Variants in ANKS6 observed in about 807,000 individuals in gnomAD.
The protein encoded by ANKS6 is ankyrin repeat and sterile alpha motif domain containing 6.
Under a neutral mutation model 77.9 loss-of-function variants are expected in ANKS6, and 47 were observed. The ratio of observed to expected loss-of-function variants is 0.60; its 90% CI spans 0.48 to 0.77. ANKS6 has a LOEUF of 0.77. Ranked by LOEUF, ANKS6 falls within the 30% of genes least tolerant of loss-of-function variation. The pLI, the probability that ANKS6 is intolerant of heterozygous loss-of-function variation, is 0.00. For missense variants in ANKS6, 1,150 were observed against 1,159.1 expected (o/e 0.99, Z 0.11); for synonymous variants, 488 against 501.7 (o/e 0.97, Z 0.37).
chr9:98,739,752 T>G (rs1286287602), intron 14 of ANKS6, among the ~76,000 whole-genome samples: 1 of 92,804 alleles, frequency 1.1e-5, no homozygotes, highest in African/African-American at 5.2e-5. Context: ...CAGCAGTGGA[T>G]TAAACATTTT....
In ANKS6 at chr9:98,770,881, TGCCCA is replaced by T. The variant is rs751234392; in HGVS notation, c.1972+10_1972+14del. ...ATCACCCCACCTCCCTGAGTGGCCCTGCCCAGCTACTCACCTGAGCGGTTAAGCAG... is the reference window on the plus strand; with the variant it reads ...ATCACCCCACCTCCCTGAGTGGCCCTGCTACTCACCTGAGCGGTTAAGCAG... On this transcript the variant is annotated intron_variant, in intron 10 of 14. Transcript: ENST00000353234. The T allele has an allele frequency of 1.4e-6, 2 of 1,439,348 alleles. No individual in the cohort carries two copies. The highest frequency in any genetic ancestry group is 1.8e-6 in the Non-Finnish European group (2 of 1,087,096). The allele number at this position is 1,439,348 out of a possible 1,614,324, so 89.2% of individuals were successfully genotyped here.
At position 98,770,809 on chromosome 9, in the gene ANKS6, G is replaced by A. The variant is rs1833578527; in HGVS notation, c.1972+87C>T. On this transcript the variant is annotated intron_variant, in intron 10 of 14. Transcript: ENST00000353234. ...CTCTTGCGTGGTCATTTCTGCGACT[G>A]TCTGCAACCTGAATATCCAGGCAGT... The A allele has an allele frequency of 2.4e-6, 3 of 1,255,878 alleles. No homozygotes were observed. In the Admixed American group the frequency reaches 1.2e-4, roughly 49 times the overall value. The allele number at this position is 1,255,878 out of a possible 1,614,324, so 77.8% of individuals were successfully genotyped here.
chr9:98,745,591 G>C lies in ANKS6; in HGVS notation c.2479C>G (p.Leu827Val), dbSNP rs755299587. 4 of 1,614,034 alleles carry C rather than the reference G, an allele frequency of 2.5e-6. No homozygotes were observed. In the African/African-American group the frequency reaches 4.0e-5, roughly 16 times the overall value. ...IKTDGSRQQILAAISELNAGK... is the reference protein window; with the variant it reads ...IKTDGSRQQIVAAISELNAGK... The stretch of plus-strand genomic sequence containing the variant: ...GCGTTCAGTTCAGAAATCGCTGCCA[G>C]AATCTGCTGCCTGGACCCATCTGTC... The change falls in exon 14 of 15, where the codon CTG becomes GTG. Residue 827 changes from leucine (L) to valine (V), a missense_variant. Coordinates refer to ENST00000353234, the MANE Select transcript of ANKS6 (RefSeq NM_173551.5).
At chr9:98,740,403 C>A (rs978533982) in intron 14 of ANKS6, among the ~76,000 whole-genome samples, 1 of 152,214 alleles carries the variant, frequency 6.6e-6, no homozygotes, top group African/African-American at 2.4e-5. Flanking sequence ...GGAATCCCCA[C>A]TCTACCACTG....
rs199761692 is a variant in ANKS6 at position 98,756,532 on chromosome 9, C to T, written c.2214G>A (p.Thr738=). ...TTSKSTSPTL[T]PSPSPKGHTA... is the part of the protein sequence containing the mutation. The stretch of plus-strand genomic sequence containing the variant: ...TGTGCCCTTTGGGTGAGGGGGAGGG[C>T]GTGAGGGTTGGAGAGGTGCTCTTGG... The change falls in exon 12 of 15, where the codon ACG becomes ACA. Residue 738 remains threonine, a synonymous_variant. Coordinates refer to ENST00000353234, the MANE Select transcript of ANKS6 (RefSeq NM_173551.5). The T allele has an allele frequency of 1.2e-4, 188 of 1,601,304 alleles. No individual in the cohort carries two copies. Among genetic ancestry groups the T allele is most frequent in the Non-Finnish European group, 1.4e-4 (168 of 1,175,040 alleles).
chr9:98,781,452 TGAA>T (rs1259576776), intron 5 of ANKS6, among the ~76,000 whole-genome samples: 2 of 152,082 alleles, frequency 1.3e-5, no homozygotes, highest in Non-Finnish European at 2.9e-5. Context: ...TCTTGGCAAG[TGAA>T]GAAGGTCTCC....
At chr9:98,739,426 C>T (rs1242645617) in intron 14 of ANKS6, among the ~76,000 whole-genome samples, 3 of 152,006 alleles carry the variant, frequency 2.0e-5, no homozygotes, top group African/African-American at 4.8e-5. Flanking sequence ...GGCAACAGAG[C>T]GAGACCCTGT....
chr9:98,737,968 A>C (rs999262616), intron 14 of ANKS6, among the ~76,000 whole-genome samples: 2 of 152,210 alleles, frequency 1.3e-5, no homozygotes, highest in East Asian at 3.8e-4. Context: ...AAAGCAAACA[A>C]AAACATAAAG....
intron 9 of ANKS6, among the ~76,000 whole-genome samples, chr9:98,772,921 A>G (rs1833716502): frequency 6.6e-6 from 1 of 151,924 alleles, no homozygotes; most frequent in African/African-American, 2.4e-5. Flanking sequence ...CCAGACCACC[A>G]CCTCTTCTAG....
In ANKS6 at chr9:98,734,161, G is replaced by A. The variant is rs147757493; in HGVS notation, c.*2358C>T. On this transcript the variant is annotated 3_prime_UTR_variant, in exon 15 of 15. Transcript: ENST00000353234. ...CCAGAAAGGGTGCCAGGGACCTCTT[G>A]TGAACCAGCACACAAACTTCCTAGG... 2.4e-5 allele frequency: 24 copies of A among 985,450 alleles called. No individual in the cohort carries two copies. The East Asian group carries it at 1.1e-3, about 47-fold the overall frequency. 61.0% of individuals were successfully genotyped at this position (985,450 alleles called of 1,614,324 possible).
intron 13 of ANKS6, 44 bp from the exon 14 acceptor site, chr9:98,745,719 A>G (rs1564177994): frequency 6.8e-7 from 1 of 1,469,192 alleles, no homozygotes; most frequent in Non-Finnish European, 9.5e-7. Context: ...TGGATGCCAC[A>G]GTTTCTTCCC....
chr9:98,795,604 G>A (rs144598830), intron 1 of ANKS6, among the ~76,000 whole-genome samples: 2 of 152,268 alleles, frequency 1.3e-5, no homozygotes, highest in African/African-American at 4.8e-5. Flanking sequence ...TAATGTCCTG[G>A]CTAATTCTCA....
intron 10 of ANKS6, 52 bp downstream of exon 10, chr9:98,770,844 C>T: frequency 7.5e-7 from 1 of 1,339,948 alleles, no homozygotes; most frequent in Non-Finnish European, 9.7e-7. Context: ...TGCACACCCT[C>T]AGTCCCAAGG....
At position 98,732,516 on chromosome 9, in the gene ANKS6, G is replaced by A. The variant is rs538826765; in HGVS notation, c.*4003C>T. On this transcript the variant is annotated 3_prime_UTR_variant, in exon 15 of 15. Coordinates refer to ENST00000353234, the MANE Select transcript of ANKS6 (RefSeq NM_173551.5). The stretch of plus-strand genomic sequence containing the variant: ...ACCTGAGCGGCTGCTACCTCTTGCC[G>A]GAGGCAGTTTCTTCTGGCCTCACCC... 36 of 1,550,582 alleles carry A rather than the reference G, an allele frequency of 2.3e-5. No individual in the cohort carries two copies. The South Asian group carries it at 2.6e-4, about 11-fold the overall frequency.
chr9:98,768,308 G>C (rs760979944), intron 10 of ANKS6, 58 bp from the exon 11 acceptor site: 3 of 1,586,284 alleles, frequency 1.9e-6, no homozygotes, highest in Non-Finnish European at 2.6e-6. Context: ...TCCAACACAA[G>C]GGTGGTGGAC....
At position 98,733,872 on chromosome 9, in the gene ANKS6, T is replaced by C. The variant is rs1831340379; in HGVS notation, c.*2647A>G. On this transcript the variant is annotated 3_prime_UTR_variant, in exon 15 of 15. Transcript: ENST00000353234. ...AACCTATTATCCTGTGGAACTAGGG[T>C]TCCCAGGAGCATACTTTTGGGAAAT... 1.0e-6 allele frequency: 1 copy of C among 985,090 alleles called. No individual in the cohort carries two copies. 61.0% of individuals were successfully genotyped at this position (985,090 alleles called of 1,614,324 possible). A position where few individuals can be genotyped will look rare whatever the true frequency, so the allele number is the denominator to read the frequency against.
In ANKS6 at chr9:98,761,740, C is replaced by T. The variant is rs552859091; in HGVS notation, c.2143-5137G>A. On this transcript the variant is annotated intron_variant, in intron 11 of 14. Coordinates refer to ENST00000353234, the MANE Select transcript of ANKS6 (RefSeq NM_173551.5). ...AAGAATTTATTTGGCTTTTCTTGTG[C>T]GGGTCTATTTTTGGGCTCTCTCTTT... is the stretch of plus-strand genomic sequence containing the variant. 4.6e-5 allele frequency among the ~76,000 whole-genome samples: 7 copies of T among 152,228 alleles called. No homozygotes were observed. The East Asian group carries it at 9.6e-4, about 21-fold the overall frequency.
At chr9:98,765,170 G>A (rs1381695535) in intron 11 of ANKS6, among the ~76,000 whole-genome samples, 1 of 152,122 alleles carries the variant, frequency 6.6e-6, no homozygotes, top group East Asian at 1.9e-4. Flanking sequence ...TAGAATCTCT[G>A]ATAAAGCAGG....
chr9:98,781,537 C>T (rs769588708), intron 5 of ANKS6, among the ~76,000 whole-genome samples: 2 of 152,254 alleles, frequency 1.3e-5, no homozygotes, highest in Non-Finnish European at 1.5e-5. Flanking sequence ...GATCACTTCC[C>T]GAGTCTTGGC....
Sources: gnomAD v4.1 joint callset for allele counts (sites outside exome capture counted in the v4.1 genomes callset) on GRCh38, gnomAD v4.1.1 for gene constraint, MANE v1.5 for transcripts, NCBI Gene and HGNC (gene_info 2026-07-23, HGNC 2026-07-21) for gene names.